MCU: variants seen among roughly 807,000 people sequenced by gnomAD.
MCU encodes the protein mitochondrial calcium uniporter, also known as calcium uniporter protein, mitochondrial.
In MCU, 12 loss-of-function variants were observed where a neutral mutation model predicts 45.2. That is an observed-to-expected ratio of 0.27 (90% CI 0.17 to 0.43). MCU has a LOEUF of 0.43. MCU is among the 20% of genes least tolerant of loss of function. The pLI is 1.00. For synonymous variants in MCU, 160 were observed against 165.1 expected (o/e 0.97, Z 0.24); for missense variants, 324 against 436.7 (o/e 0.74, Z 2.30).
intron 4 of MCU, among the ~76,000 whole-genome samples, chr10:72,861,437 G>GTT (rs936008477): frequency 3.4e-5 from 5 of 145,870 alleles, no homozygotes; most frequent in Non-Finnish European, 6.1e-5. Flanking sequence ...TTTTGTTTGG[G>GTT]TTTTTTTTTT....
At chr10:72,769,835 C>T (rs1010875847) in intron 1 of MCU, among the ~76,000 whole-genome samples, 1 of 152,122 alleles carries the variant, frequency 6.6e-6, no homozygotes, top group Non-Finnish European at 1.5e-5. Context: ...GTGGATTTAC[C>T]TACTGTGGAC....
intron 1 of MCU, among the ~76,000 whole-genome samples, chr10:72,723,905 T>C (rs1480286488): frequency 6.6e-6 from 1 of 152,220 alleles, no homozygotes; most frequent in Non-Finnish European, 1.5e-5. Context: ...ATTTTAATAA[T>C]GTTATTCAGA....
At chr10:72,769,294 C>G (rs1199578316) in intron 1 of MCU, among the ~76,000 whole-genome samples, 2 of 152,170 alleles carry the variant, frequency 1.3e-5, no homozygotes, top group Non-Finnish European at 2.9e-5. Flanking sequence ...AAGAATAAAA[C>G]CGAGTTCTTG....
chr10:72,748,411 A>T (rs1323285163), intron 1 of MCU, among the ~76,000 whole-genome samples: 1 of 152,234 alleles, frequency 6.6e-6, no homozygotes, highest in Admixed American at 6.5e-5. Flanking sequence ...TAACTGTCAT[A>T]TTGAACAGTG....
chr10:72,715,796 C>T, intron 1 of MCU: 1 of 862,448 alleles, frequency 1.2e-6, no homozygotes, highest in Non-Finnish European at 1.4e-6. Flanking sequence ...TAAATTAACA[C>T]ATCCCCTGTA....
At chr10:72,717,648 G>T (rs1415828313) in intron 1 of MCU, among the ~76,000 whole-genome samples, 3 of 152,132 alleles carry the variant, frequency 2.0e-5, no homozygotes, top group Non-Finnish European at 2.9e-5. Context: ...TTAGAGCCTT[G>T]TTCATAATTT....
chr10:72,769,906 A>T (rs1246825490), intron 1 of MCU, among the ~76,000 whole-genome samples: 1 of 152,150 alleles, frequency 6.6e-6, no homozygotes. Flanking sequence ...TATTGATGTG[A>T]GATCTTTTAA....
At chr10:72,790,798 A>G (rs1163212095) in intron 1 of MCU, among the ~76,000 whole-genome samples, 2 of 152,164 alleles carry the variant, frequency 1.3e-5, no homozygotes, top group African/African-American at 4.8e-5. Context: ...TGTGAATAAC[A>G]CCACTTCAGT....
intron 1 of MCU, among the ~76,000 whole-genome samples, chr10:72,734,879 A>G (rs1843230696): frequency 6.6e-6 from 1 of 151,994 alleles, no homozygotes; most frequent in Admixed American, 6.6e-5. Flanking sequence ...AGCCTCCCAA[A>G]GTATTGGCAT....
At chr10:72,707,597 G>A (rs185852291) in intron 1 of MCU, among the ~76,000 whole-genome samples, 8 of 142,378 alleles carry the variant, frequency 5.6e-5, no homozygotes, top group African/African-American at 1.3e-4. Flanking sequence ...AGAGGTGGTC[G>A]TGGTGAGTGG....
chr10:72,757,606 A>G (rs1368833336), intron 1 of MCU, among the ~76,000 whole-genome samples: 1 of 152,144 alleles, frequency 6.6e-6, no homozygotes, highest in Non-Finnish European at 1.5e-5. Context: ...TTTTTTTTTA[A>G]TCTCTAAAGA....
chr10:72,703,643 A>G (rs2395013), intron 1 of MCU, among the ~76,000 whole-genome samples: 95,226 of 152,038 alleles, frequency 0.63, 31,336 homozygotes, highest in African/African-American at 0.72. Context: ...GGTGGCTCAC[A>G]CCTGTAATCC....
chr10:72,699,528 C>T (rs1376870642), intron 1 of MCU, among the ~76,000 whole-genome samples: 5 of 151,574 alleles, frequency 3.3e-5, no homozygotes, highest in Non-Finnish European at 7.4e-5. Flanking sequence ...AAAAAAAGAA[C>T]CTTAGTGATT....
rs1413419136 is a variant in MCU at position 72,729,952 on chromosome 10, C to CA, written c.150+37651_150+37652insA. On this transcript the variant is annotated intron_variant, in intron 1 of 7. Coordinates refer to ENST00000373053, the MANE Select transcript of MCU (RefSeq NM_138357.3). ...GTCTCTCTTCACTCTCTTCAGCATT[C>CA]TTTTTTTTTTTTTTTTTTTTTTTCG... 1.4e-4 allele frequency among the ~76,000 whole-genome samples: 13 copies of CA among 90,554 alleles called. 1 individual carries two copies. The highest frequency in any genetic ancestry group is 5.0e-4 in the African/African-American group (13 of 25,810). 59.4% of individuals were successfully genotyped at this position (90,554 alleles called of 152,430 possible). A position where few individuals can be genotyped will look rare whatever the true frequency, so the allele number is the denominator to read the frequency against.
intron 1 of MCU, among the ~76,000 whole-genome samples, chr10:72,769,781 A>T (rs1311737722): frequency 6.6e-6 from 1 of 152,108 alleles, no homozygotes; most frequent in Non-Finnish European, 1.5e-5. Flanking sequence ...ATTTCCCCAC[A>T]ATCCTTCCAG....
At chr10:72,828,403 T>A (rs1300002578) in intron 1 of MCU, among the ~76,000 whole-genome samples, 1 of 152,138 alleles carries the variant, frequency 6.6e-6, no homozygotes, top group Non-Finnish European at 1.5e-5. Context: ...TGAAATTAGA[T>A]CCCAAGATTT....
chr10:72,878,023 A>T (rs920934011), intron 6 of MCU, among the ~76,000 whole-genome samples: 1 of 151,956 alleles, frequency 6.6e-6, no homozygotes, highest in African/African-American at 2.4e-5. Context: ...GCTGATGCTC[A>T]CAGGTTTCAT....
intron 1 of MCU, among the ~76,000 whole-genome samples, chr10:72,765,114 TA>T: frequency 6.6e-6 from 1 of 150,758 alleles, no homozygotes; most frequent in Non-Finnish European, 1.5e-5. Flanking sequence ...AAGAGAGAGT[TA>T]GGGCATGTAG....
At chr10:72,854,302 TA>T (rs1386645893) in intron 2 of MCU, among the ~76,000 whole-genome samples, 1 of 151,874 alleles carries the variant, frequency 6.6e-6, no homozygotes, top group African/African-American at 2.4e-5. Flanking sequence ...TATTAAAAAG[TA>T]AAAGTTTTAA....
Sources: allele counts gnomAD v4.1 joint callset (sites outside exome capture counted in the v4.1 genomes callset), GRCh38; gene constraint gnomAD v4.1.1; transcripts MANE v1.5; gene names NCBI Gene and HGNC (gene_info 2026-07-23, HGNC 2026-07-21).